The following LRRFIP2 variants were observed in gnomAD, a reference collection of about 807,000 sequenced individuals.
LRRFIP2 encodes the protein LRR binding FLII interacting protein 2.
A neutral mutation model predicts 125.9 loss-of-function variants in LRRFIP2; 109 were observed. The observed-to-expected ratio is 0.87, with a 90% CI of 0.74 to 1.01. The LOEUF is 1.01. LRRFIP2 is among the 50% of genes least tolerant of loss of function. The pLI is 0.00. For missense variants in LRRFIP2, 850 were observed against 862.3 expected (o/e 0.99, Z 0.18); for synonymous variants, 291 against 293.1 (o/e 0.99, Z 0.07).
intron 1 of LRRFIP2, among the ~76,000 whole-genome samples, chr3:37,166,989 T>C (rs2096505569): frequency 1.3e-5 from 2 of 151,544 alleles, no homozygotes; most frequent in East Asian, 3.9e-4. Flanking sequence ...CACTCCAGCC[T>C]GGGCAACAAG....
At chr3:37,066,677 C>G (rs2090222032) in intron 21 of LRRFIP2, 1 of 181,044 alleles carries the variant, frequency 5.5e-6, no homozygotes, top group Non-Finnish European at 1.2e-5. Context: ...TACTGACTGC[C>G]TAAGTGCATT....
chr3:37,085,644 C>T (rs1441280175), intron 18 of LRRFIP2, among the ~76,000 whole-genome samples: 6 of 150,702 alleles, frequency 4.0e-5, no homozygotes, highest in South Asian at 4.2e-4. Context: ...TGCAATGGCG[C>T]GATCTTGGCT....
intron 25 of LRRFIP2, among the ~76,000 whole-genome samples, 158 bp downstream of exon 25, chr3:37,058,632 A>C (rs2087600084): frequency 6.6e-6 from 1 of 150,830 alleles, no homozygotes; most frequent in Non-Finnish European, 1.5e-5. Flanking sequence ...CGGAGATTGC[A>C]CCACTGCACT....
chr3:37,113,903 T>C (rs1054842340), intron 7 of LRRFIP2, among the ~76,000 whole-genome samples: 6 of 152,208 alleles, frequency 3.9e-5, no homozygotes, highest in Middle Eastern at 6.8e-3. Flanking sequence ...GCCAAGTACA[T>C]ATGGGGAAAT....
At chr3:37,107,096 G>A (rs547393068) in intron 13 of LRRFIP2, among the ~76,000 whole-genome samples, 47 of 152,074 alleles carry the variant, frequency 3.1e-4, no homozygotes, top group African/African-American at 1.1e-3. Context: ...TAGAGGTGGG[G>A]TTTCACCATG....
At chr3:37,082,987 T>C (rs917623954) in intron 19 of LRRFIP2, among the ~76,000 whole-genome samples, 7 of 152,220 alleles carry the variant, frequency 4.6e-5, no homozygotes, top group African/African-American at 7.2e-5. Flanking sequence ...ATTTGACCTC[T>C]GCTTGAACTG....
At chr3:37,113,660 A>C (rs1015535822) in intron 7 of LRRFIP2, among the ~76,000 whole-genome samples, 3 of 152,196 alleles carry the variant, frequency 2.0e-5, no homozygotes, top group African/African-American at 4.8e-5. Flanking sequence ...CCTAAAGGTC[A>C]AAAAGCAATC....
At chr3:37,173,778 C>T (rs2096618736) in intron 1 of LRRFIP2, among the ~76,000 whole-genome samples, 1 of 152,204 alleles carries the variant, frequency 6.6e-6, no homozygotes, top group Admixed American at 6.5e-5. Flanking sequence ...AAGAGTTCTT[C>T]AAGAAATTGC....
intron 2 of LRRFIP2, among the ~76,000 whole-genome samples, chr3:37,144,157 C>T (rs2095797740): frequency 6.6e-6 from 1 of 152,186 alleles, no homozygotes; most frequent in African/African-American, 2.4e-5. Context: ...ATAGCTACAT[C>T]GACTCCAGGT....
At chr3:37,101,024 T>C (rs1393467851) in intron 15 of LRRFIP2, among the ~76,000 whole-genome samples, 1 of 152,174 alleles carries the variant, frequency 6.6e-6, no homozygotes, top group East Asian at 1.9e-4. Context: ...TAATTATAAA[T>C]AATTATTTCT....
At chr3:37,173,265 G>T (rs1286414041) in intron 1 of LRRFIP2, among the ~76,000 whole-genome samples, 3 of 152,008 alleles carry the variant, frequency 2.0e-5, no homozygotes, top group Non-Finnish European at 4.4e-5. Flanking sequence ...TCCCTGGCTG[G>T]AGTGCAGTGG....
chr3:37,079,601 C>T (rs6806487), intron 19 of LRRFIP2, among the ~76,000 whole-genome samples: 67,237 of 151,682 alleles, frequency 0.44, 15,559 homozygotes, highest in Non-Finnish European at 0.49. Flanking sequence ...AGAAAACTTA[C>T]GTCCAAAAAA....
chr3:37,059,793 A>AT (rs200056593), intron 24 of LRRFIP2, among the ~76,000 whole-genome samples: 4,942 of 132,154 alleles, frequency 0.037, 169 homozygotes, highest in African/African-American at 0.092. Flanking sequence ...CTCAAAAAAA[A>AT]AAAAAATAAT....
intron 23 of LRRFIP2, chr3:37,064,026 C>A: frequency 2.1e-6 from 1 of 467,708 alleles, no homozygotes. Flanking sequence ...CATTTGTTCC[C>A]CACAGCAGTG....
In LRRFIP2 at chr3:37,149,023, A is replaced by C. The variant is rs1319835998; in HGVS notation, c.-40T>G. On this transcript the variant is annotated 5_prime_UTR_variant, in exon 2 of 28. Transcript: ENST00000336686. ...AGTCTTTTAACTTTGAAAGTGATTT[A>C]ACTGTGTTTTCAGCCCTGAAGTAAA... 3.7e-6 allele frequency: 6 copies of C among 1,611,244 alleles called. No homozygotes were observed. The highest frequency in any genetic ancestry group is 4.2e-6 in the Non-Finnish European group (5 of 1,178,902).
intron 8 of LRRFIP2, among the ~76,000 whole-genome samples, chr3:37,112,582 T>C (rs574471439): frequency 6.6e-6 from 1 of 152,248 alleles, no homozygotes; most frequent in South Asian, 2.1e-4. Flanking sequence ...TTACGGCCCA[T>C]AATACCACAA....
chr3:37,121,857 TG>T lies in LRRFIP2; in HGVS notation c.229-167del, dbSNP rs1339532851. Among the ~76,000 whole-genome samples, 383 of 146,882 alleles carry T rather than the reference TG, an allele frequency of 2.6e-3. 5 individuals carry two copies. Among genetic ancestry groups the T allele is most frequent in the African/African-American group, 9.1e-3 (372 of 40,806 alleles). The stretch of plus-strand genomic sequence containing the variant: ...AGCCACATTCGTGTGTGTGTGTGTG[TG>T]TGTGTGTGTGTGTGTGTGTGTGTGT... On this transcript the variant is annotated intron_variant, in intron 4 of 27. Coordinates refer to ENST00000336686, the MANE Select transcript of LRRFIP2 (RefSeq NM_006309.4).
chr3:37,052,932 AAAG>A lies in LRRFIP2; in HGVS notation c.*916_*918del, dbSNP rs2085904972. The A allele has an allele frequency of 6.6e-6, 1 of 152,300 alleles. No homozygotes were observed. Among genetic ancestry groups the A allele is most frequent in the Non-Finnish European group, 1.5e-5 (1 of 68,038 alleles). The allele number at this position is 152,300 out of a possible 1,614,324, so 9.4% of individuals were successfully genotyped here. On this transcript the variant is annotated 3_prime_UTR_variant, in exon 28 of 28. Coordinates refer to ENST00000336686, the MANE Select transcript of LRRFIP2 (RefSeq NM_006309.4). ...ATTGTTTTTCCTTGAGAAGGAGACA[AAAG>A]AAGAGGGATGTGGTTGCCATGATTT...
intron 8 of LRRFIP2, among the ~76,000 whole-genome samples, chr3:37,111,391 T>C (rs1447438065): frequency 6.6e-6 from 1 of 152,222 alleles, no homozygotes; most frequent in East Asian, 1.9e-4. Flanking sequence ...AGTTTTACAA[T>C]CCATCTGGCA....
Sources: allele counts gnomAD v4.1 joint callset (sites outside exome capture counted in the v4.1 genomes callset), GRCh38; gene constraint gnomAD v4.1.1; transcripts MANE v1.5; gene names NCBI Gene and HGNC (gene_info 2026-07-23, HGNC 2026-07-21).